The following TPMT variants were observed in gnomAD, a reference collection of about 807,000 sequenced individuals.
The protein encoded by TPMT is thiopurine S-methyltransferase.
A neutral mutation model predicts 34.2 loss-of-function variants in TPMT; 18 were observed. The observed-to-expected ratio is 0.53, with a 90% CI of 0.36 to 0.78. The LOEUF is 0.78. Ranked by LOEUF, TPMT falls within the 30% of genes least tolerant of loss-of-function variation. TPMT has a pLI of 0.00. For missense variants in TPMT, 265 were observed against 288.1 expected, an observed-to-expected ratio of 0.92 and a Z score of 0.58; for synonymous variants, 69 against 92.4, an observed-to-expected ratio of 0.75 and a Z score of 1.45.
intron 3 of TPMT, among the ~76,000 whole-genome samples, chr6:18,144,343 A>G (rs539054283): frequency 6.6e-6 from 1 of 152,312 alleles, no homozygotes; most frequent in Admixed American, 6.5e-5. Context: ...ATTTTATCAT[A>G]TACAAATAGC....
At chr6:18,147,128 G>A (rs915358841) in intron 3 of TPMT, among the ~76,000 whole-genome samples, 2 of 151,220 alleles carry the variant, frequency 1.3e-5, no homozygotes, top group African/African-American at 4.9e-5. Context: ...TTTCTTTCCT[G>A]CTCAGTGGTC....
At position 18,150,951 on chromosome 6, in the gene TPMT, T is replaced by C. The variant is rs1784341626; in HGVS notation, c.-44-1780A>G. ...CTGGTCTTGAACTCCTGGCCTCATGTGATTCACCAGCCTCGGCTTCCCAAA... is the reference window on the plus strand; with the variant it reads ...CTGGTCTTGAACTCCTGGCCTCATGCGATTCACCAGCCTCGGCTTCCCAAA... On this transcript the variant is annotated intron_variant, in intron 1 of 8. Coordinates refer to ENST00000309983, the MANE Select transcript of TPMT (RefSeq NM_000367.5). The surrounding 1 kb of genome is among the most constrained non-coding windows in gnomAD (Gnocchi z 5.3). Among the ~76,000 whole-genome samples the C allele has an allele frequency of 6.6e-6, 1 of 152,124 alleles. No homozygotes were observed. The highest frequency in any genetic ancestry group is 2.1e-4 in the South Asian group (1 of 4,834).
rs1312854144 is a variant in TPMT at position 18,143,985 on chromosome 6, C to G, written c.234-257G>C. Among the ~76,000 whole-genome samples the G allele has an allele frequency of 6.6e-6, 1 of 151,876 alleles. No individual in the cohort carries two copies. The highest frequency in any genetic ancestry group is 2.4e-5 in the African/African-American group (1 of 41,346). ...TATATATCTTTTTTTATGTATGAAA[C>G]AGTTGGAATGTAATTATAGATATAT... On this transcript the variant is annotated intron_variant, in intron 3 of 8. Coordinates refer to ENST00000309983, the MANE Select transcript of TPMT (RefSeq NM_000367.5). This position sits in a 1 kb window ranked among gnomAD's most constrained non-coding sequence, Gnocchi z 6.1.
Position 18,148,987 on chromosome 6 carries a change from C to T in TPMT, c.140+1G>A. ...TCTATTGTATACCAAATATTTCTTA[C>T]TGATGTCCTTGTTCCTGATGAAAAG... On this transcript the variant is annotated splice_donor_variant, in intron 2 of 8. Coordinates refer to ENST00000309983, the MANE Select transcript of TPMT (RefSeq NM_000367.5). LOFTEE classifies it high-confidence loss of function. This position sits in a 1 kb window ranked among gnomAD's most constrained non-coding sequence, Gnocchi z 4.1. 3 of 1,613,440 alleles carry T rather than the reference C, an allele frequency of 1.9e-6. No homozygotes were observed. Among genetic ancestry groups the T allele is most frequent in the Non-Finnish European group, 2.5e-6 (3 of 1,179,922 alleles).
At chr6:18,134,948 G>A (rs747746656) in intron 6 of TPMT, among the ~76,000 whole-genome samples, 3 of 152,188 alleles carry the variant, frequency 2.0e-5, no homozygotes, top group Admixed American at 6.5e-5. Context: ...CAGTTTCTAT[G>A]GAGCCTGGCT....
Position 18,139,619 on chromosome 6 carries a change from G to C in TPMT, c.419+46C>G. 1 of 1,510,076 alleles carries C rather than the reference G, an allele frequency of 6.6e-7. No individual in the cohort carries two copies. Among genetic ancestry groups the C allele is most frequent in the Non-Finnish European group, 9.2e-7 (1 of 1,086,128 alleles). The allele number at this position is 1,510,076 out of a possible 1,614,324, so 93.5% of individuals were successfully genotyped here. On this transcript the variant is annotated intron_variant, in intron 5 of 8. Coordinates refer to ENST00000309983, the MANE Select transcript of TPMT (RefSeq NM_000367.5). The surrounding 1 kb of genome is among the most constrained non-coding windows in gnomAD (Gnocchi z 4.2). ...TCCACTCCCATGCCTGCACTGCCTG[G>C]CAAGCATTCAAATTTTTTAAAGTGC... is the stretch of plus-strand genomic sequence containing the variant.
In TPMT at chr6:18,146,467, C is replaced by T. The variant is rs1784249872; in HGVS notation, c.233+1356G>A. ...CGCTCACCTAATTAAAGGTGTGAGCCACCGCACCTGGCCAGTTCTGATATT... is the reference window on the plus strand; with the variant it reads ...CGCTCACCTAATTAAAGGTGTGAGCTACCGCACCTGGCCAGTTCTGATATT... On this transcript the variant is annotated intron_variant, in intron 3 of 8. Transcript: ENST00000309983. This position sits in a 1 kb window ranked among gnomAD's most constrained non-coding sequence, Gnocchi z 6.2. Among the ~76,000 whole-genome samples the T allele has an allele frequency of 6.6e-6, 1 of 152,070 alleles. No homozygotes were observed. Among genetic ancestry groups the T allele is most frequent in the African/African-American group, 2.4e-5 (1 of 41,410 alleles).
rs1784112939 is a variant in TPMT at position 18,139,998 on chromosome 6, A to G, written c.367-281T>C. Among the ~76,000 whole-genome samples, 1 of 152,158 alleles carries G rather than the reference A, an allele frequency of 6.6e-6. No homozygotes were observed. ...CAGAGCTTGCTATAAAATTCTAACAATGTTTCCTCGAGCAGAGTGATATTT... is the reference window on the plus strand; with the variant it reads ...CAGAGCTTGCTATAAAATTCTAACAGTGTTTCCTCGAGCAGAGTGATATTT... On this transcript the variant is annotated intron_variant, in intron 4 of 8. Coordinates refer to ENST00000309983, the MANE Select transcript of TPMT (RefSeq NM_000367.5). This position sits in a 1 kb window ranked among gnomAD's most constrained non-coding sequence, Gnocchi z 4.2.
At position 18,154,667 on chromosome 6, in the gene TPMT, G is replaced by A. The variant is rs572878736; in HGVS notation, c.-45+366C>T. On this transcript the variant is annotated intron_variant, in intron 1 of 8. Coordinates refer to ENST00000309983, the MANE Select transcript of TPMT (RefSeq NM_000367.5). The surrounding 1 kb of genome is among the most constrained non-coding windows in gnomAD (Gnocchi z 4.2). ...GCGAGCCTGTAGTCCCAGTTACCGA[G>A]GAGGCTGGGGCGGGAAGATCACTTG... Among the ~76,000 whole-genome samples, 2 of 152,314 alleles carry A rather than the reference G, an allele frequency of 1.3e-5. No homozygotes were observed. Among genetic ancestry groups the A allele is most frequent in the African/African-American group, 4.8e-5 (2 of 41,562 alleles).
rs1247346218 is a variant in TPMT, at chr6:18,130,166, T to A, written c.*502A>T. On this transcript the variant is annotated 3_prime_UTR_variant, in exon 9 of 9. Transcript: ENST00000309983. The surrounding 1 kb of genome is among the most constrained non-coding windows in gnomAD (Gnocchi z 4.2). ...TGGGCGTGGTGGCGCACACCTGTAATCCCAGCTACTCAGGAGGCTGAGGCA... is the reference window on the plus strand; with the variant it reads ...TGGGCGTGGTGGCGCACACCTGTAAACCCAGCTACTCAGGAGGCTGAGGCA... 6.2e-6 allele frequency: 1 copy of A among 160,524 alleles called. No individual in the cohort carries two copies. The highest frequency in any genetic ancestry group is 1.3e-5 in the Non-Finnish European group (1 of 74,134). The allele number at this position is 160,524 out of a possible 1,614,324, so 9.9% of individuals were successfully genotyped here.
chr6:18,136,742 A>G lies in TPMT; in HGVS notation c.494+2221T>C, dbSNP rs1784047678. ...GGAGATTCGCTTGAACCTGGCAGGC[A>G]GAGGTTGCGGTGAGCCGAGATAGTG... On this transcript the variant is annotated intron_variant, in intron 6 of 8. Coordinates refer to ENST00000309983, the MANE Select transcript of TPMT (RefSeq NM_000367.5). The surrounding 1 kb of genome is among the most constrained non-coding windows in gnomAD (Gnocchi z 4.7). Among the ~76,000 whole-genome samples the G allele has an allele frequency of 6.6e-6, 1 of 152,190 alleles. No homozygotes were observed. Among genetic ancestry groups the G allele is most frequent in the Admixed American group, 6.5e-5 (1 of 15,278 alleles).
chr6:18,142,205 T>C (rs1784155944), intron 4 of TPMT, among the ~76,000 whole-genome samples: 1 of 146,316 alleles, frequency 6.8e-6, no homozygotes, highest in Non-Finnish European at 1.5e-5. Context: ...TCTCTTTCTC[T>C]TTTTTTTTTG....
rs1330046697 is a variant in TPMT, at chr6:18,139,716, C to T, written c.368G>A (p.Ser123Asn). The T allele has an allele frequency of 1.2e-6, 2 of 1,606,126 alleles. No homozygotes were observed. The highest frequency in any genetic ancestry group is 3.4e-5 in the Admixed American group (2 of 58,514). Residue 123 changes from serine (S) to asparagine (N), a missense_variant and splice_region_variant, in exon 5 of 9, where the codon AGT (serine) becomes AAT (asparagine). Coordinates refer to ENST00000309983, the MANE Select transcript of TPMT (RefSeq NM_000367.5). This position sits in a 1 kb window ranked among gnomAD's most constrained non-coding sequence, Gnocchi z 4.2. ...TEIPGTKVFK[S>N]SSGNISLYCC... The stretch of plus-strand genomic sequence containing the variant: ...GTACAATGAAATGTTCCCCGAAGAA[C>T]TCTGTAATGAAATAATGAAAAAAAA...
At position 18,128,598 on chromosome 6, in the gene TPMT, A is replaced by G. The variant is rs1035979138; in HGVS notation, c.*2070T>C. 1 of 152,212 alleles carries G rather than the reference A, an allele frequency of 6.6e-6. No individual in the cohort carries two copies. The highest frequency in any genetic ancestry group is 1.5e-5 in the Non-Finnish European group (1 of 68,084). 9.4% of individuals were successfully genotyped at this position (152,212 alleles called of 1,614,324 possible). A position where few individuals can be genotyped will look rare whatever the true frequency, so the allele number is the denominator to read the frequency against. On this transcript the variant is annotated 3_prime_UTR_variant, in exon 9 of 9. Transcript: ENST00000309983. This position sits in a 1 kb window ranked among gnomAD's most constrained non-coding sequence, Gnocchi z 4.6. ...CGCAGGTGGCCTCTCTTTGGTTCTC[A>G]TCTCTTTCTGCAGATCAGCGTTCTG...
In TPMT at chr6:18,138,027, A is replaced by C. The variant is rs541230743; in HGVS notation, c.494+936T>G. Among the ~76,000 whole-genome samples the C allele has an allele frequency of 6.6e-6, 1 of 152,192 alleles. No homozygotes were observed. The highest frequency in any genetic ancestry group is 2.1e-4 in the South Asian group (1 of 4,824). On this transcript the variant is annotated intron_variant, in intron 6 of 8. Coordinates refer to ENST00000309983, the MANE Select transcript of TPMT (RefSeq NM_000367.5). This position sits in a 1 kb window ranked among gnomAD's most constrained non-coding sequence, Gnocchi z 4.1. ...ACTCCTGACCTCAGGCGATCCGCCC[A>C]CCTTGGCCTCCCAAAGTGCTAGGAT...
rs1292963343 is a variant in TPMT at position 18,145,615 on chromosome 6, C to G, written c.234-1887G>C. ...ACTTTCAATGTGGGCAGAGCATGAA[C>G]TGTTTAGTTGTAAAATGAAACATAT... On this transcript the variant is annotated intron_variant, in intron 3 of 8. Coordinates refer to ENST00000309983, the MANE Select transcript of TPMT (RefSeq NM_000367.5). This position sits in a 1 kb window ranked among gnomAD's most constrained non-coding sequence, Gnocchi z 5.6. Among the ~76,000 whole-genome samples the G allele has an allele frequency of 9.9e-5, 15 of 152,210 alleles. No individual in the cohort carries two copies.
chr6:18,133,738 T>A, intron 7 of TPMT, 66 bp downstream of exon 7: 6 of 1,172,578 alleles, frequency 5.1e-6, no homozygotes, highest in Non-Finnish European at 7.5e-6. Context: ...CTTATCCATG[T>A]CATAGAATTT....
Position 18,143,483 on chromosome 6 carries a change from C to T in TPMT, c.366+113G>A. The T allele has an allele frequency of 7.3e-7, 1 of 1,376,868 alleles. No individual in the cohort carries two copies. The highest frequency in any genetic ancestry group is 2.3e-5 in the East Asian group (1 of 43,100). 85.3% of individuals were successfully genotyped at this position (1,376,868 alleles called of 1,614,324 possible). On this transcript the variant is annotated intron_variant, in intron 4 of 8. Transcript: ENST00000309983. The surrounding 1 kb of genome is among the most constrained non-coding windows in gnomAD (Gnocchi z 6.1). ...ATACTATATAGTATCTACAGTGAAT[C>T]TGCGTGCTAAATAGGAACCATCGGA...
Position 18,140,719 on chromosome 6 carries a change from A to AAAC in TPMT, c.367-1005_367-1003dup, listed in dbSNP as rs1487758724. Among the ~76,000 whole-genome samples the AAAC allele has an allele frequency of 6.6e-6, 1 of 152,152 alleles. No homozygotes were observed. The highest frequency in any genetic ancestry group is 1.5e-5 in the Non-Finnish European group (1 of 68,030). ...TTGGAGCAAAATAATCCTAAAAAAT[A>AAAC]AACAACAACAACAAAAATCAAGAGA... On this transcript the variant is annotated intron_variant, in intron 4 of 8. Coordinates refer to ENST00000309983, the MANE Select transcript of TPMT (RefSeq NM_000367.5). The surrounding 1 kb of genome is among the most constrained non-coding windows in gnomAD (Gnocchi z 4.7).
Sources: gnomAD v4.1 joint callset for allele counts (sites outside exome capture counted in the v4.1 genomes callset) on GRCh38, gnomAD v4.1.1 for gene constraint, Gnocchi (gnomAD v3.1) non-coding constraint, MANE v1.5 for transcripts, NCBI Gene and HGNC (gene_info 2026-07-23, HGNC 2026-07-21) for gene names.